CAST: variants seen among roughly 807,000 people sequenced by gnomAD.
CAST encodes the protein MIR583 host.
A neutral mutation model predicts 119.6 loss-of-function variants in CAST; 76 were observed. The ratio of observed to expected loss-of-function variants is 0.64; its 90% CI spans 0.53 to 0.77. The LOEUF (loss-of-function observed/expected upper bound fraction) is 0.77. Ranked by LOEUF, CAST falls within the 30% of genes least tolerant of loss-of-function variation. The pLI, the probability that CAST is intolerant of heterozygous loss-of-function variation, is 0.00. For missense variants in CAST, 953 were observed against 946.5 expected, an observed-to-expected ratio of 1.01 and a Z score of -0.09; for synonymous variants, 319 against 331.6, an observed-to-expected ratio of 0.96 and a Z score of 0.41.
At chr5:96,568,581 A>T (rs1345248368) in intron 1 of CAST, among the ~76,000 whole-genome samples, 2 of 151,336 alleles carry the variant, frequency 1.3e-5, no homozygotes, top group Non-Finnish European at 2.9e-5. Context: ...AAAAAAAAAA[A>T]AAAAAAAGAA....
At chr5:96,534,755 A>AG (rs1745761804) in intron 1 of CAST, among the ~76,000 whole-genome samples, 3 of 39,208 alleles carry the variant, frequency 7.7e-5, no homozygotes, top group African/African-American at 9.5e-5. Flanking sequence ...GAAAGAAAGA[A>AG]AGAAAGAAAG....
At chr5:96,544,889 T>A (rs1457636932) in intron 1 of CAST, among the ~76,000 whole-genome samples, 1 of 150,632 alleles carries the variant, frequency 6.6e-6, no homozygotes, top group African/African-American at 2.4e-5. Context: ...AAAACCCAGA[T>A]AGACTAAAAG....
the CAST span, among the ~76,000 whole-genome samples, chr5:96,354,764 T>C: frequency 6.7e-6 from 1 of 149,948 alleles, no homozygotes; most frequent in Non-Finnish European, 1.5e-5. Context: ...TATATTTACG[T>C]ATATATTTCT....
At chr5:95,961,556 T>G in the CAST span, 1 of 1,563,616 alleles carries the variant, frequency 6.4e-7, no homozygotes, top group East Asian at 2.5e-5. Context: ...GAGCCCAGCC[T>G]GCCGGCCGGC....
the CAST span, among the ~76,000 whole-genome samples, chr5:96,021,531 C>T: frequency 4.6e-5 from 7 of 152,002 alleles, no homozygotes; most frequent in Admixed American, 1.3e-4. Flanking sequence ...CTGCAAGCTC[C>T]GCCTCCTGGG....
Position 96,590,296 on chromosome 5 carries a change from T to G in CAST, c.60+60416T>G, listed in dbSNP as rs114668993. Among the ~76,000 whole-genome samples the G allele has an allele frequency of 9.9e-3, 1,510 of 152,322 alleles. 26 individuals carry two copies. The highest frequency in any genetic ancestry group is 0.034 in the African/African-American group (1,424 of 41,570). ...AGATGATACACAAGCATATAAAAAT[T>G]TAAGAAGCATTGATATAGTTAACAT... On this transcript the variant is annotated intron_variant, in intron 1 of 11. Transcript: ENST00000505143.
chr5:96,327,759 G>C, the CAST span, among the ~76,000 whole-genome samples: 1 of 152,334 alleles, frequency 6.6e-6, no homozygotes, highest in Admixed American at 6.5e-5. Flanking sequence ...GAGATCAGAA[G>C]AGCGATTCAA....
chr5:96,552,135 G>A (rs189550786), intron 1 of CAST, among the ~76,000 whole-genome samples: 134 of 152,050 alleles, frequency 8.8e-4, no homozygotes, highest in African/African-American at 2.9e-3. Flanking sequence ...GCACCACATC[G>A]CACTTATTCT....
At chr5:96,647,415 C>T (rs558006888) in intron 1 of CAST, among the ~76,000 whole-genome samples, 103 of 152,126 alleles carry the variant, frequency 6.8e-4, no homozygotes, top group African/African-American at 2.4e-3. Context: ...GGATTTTTAC[C>T]TATATGAACC....
the CAST span, among the ~76,000 whole-genome samples, chr5:96,161,911 A>C: frequency 6.6e-6 from 1 of 152,058 alleles, no homozygotes; most frequent in Admixed American, 6.6e-5. Flanking sequence ...TTTATTTTTC[A>C]ATTGTTCATT....
At chr5:96,366,083 A>G in the CAST span, among the ~76,000 whole-genome samples, 4 of 152,170 alleles carry the variant, frequency 2.6e-5, no homozygotes, top group Non-Finnish European at 5.9e-5. Context: ...TCCTTTGCTT[A>G]TGAAGCTTAG....
At chr5:96,057,890 T>C in the CAST span, among the ~76,000 whole-genome samples, 1 of 152,170 alleles carries the variant, frequency 6.6e-6, no homozygotes, top group Non-Finnish European at 1.5e-5. Flanking sequence ...GGCAAGAGCA[T>C]TTAAATTCTT....
At position 96,617,518 on chromosome 5, in the gene CAST, G is replaced by A. The variant is rs558372780; in HGVS notation, c.61-58021G>A. ...TTAAAACTCTTAGGAGGCCGGGCAC[G>A]GTGGCTCATGCCTGTAATCCCGGCA... On this transcript the variant is annotated intron_variant, in intron 1 of 11. Transcript: ENST00000505143. Among the ~76,000 whole-genome samples the A allele has an allele frequency of 5.7e-4, 87 of 152,066 alleles. 2 individuals carry two copies. In the South Asian group the frequency reaches 8.3e-3, roughly 15 times the overall value.
chr5:96,613,110 TAA>T (rs1190374290), intron 1 of CAST, among the ~76,000 whole-genome samples: 1 of 152,216 alleles, frequency 6.6e-6, no homozygotes, highest in Non-Finnish European at 1.5e-5. Flanking sequence ...AGTTTTATAA[TAA>T]GTCTTGATAT....
the CAST span, among the ~76,000 whole-genome samples, chr5:96,171,472 C>T: frequency 6.6e-6 from 1 of 152,088 alleles, no homozygotes; most frequent in Non-Finnish European, 1.5e-5. Context: ...GGCGTCCCTG[C>T]AATTGACTTG....
chr5:96,759,708 C>A (rs1233716574), intron 24 of CAST, among the ~76,000 whole-genome samples: 2 of 151,364 alleles, frequency 1.3e-5, no homozygotes, highest in Non-Finnish European at 3.0e-5. Flanking sequence ...GGAAAAAAAA[C>A]CTTACAAAAA....
chr5:96,504,167 GGGA>G, the CAST span, among the ~76,000 whole-genome samples: 1 of 152,310 alleles, frequency 6.6e-6, no homozygotes, highest in East Asian at 1.9e-4. Flanking sequence ...GCCAGCTGGA[GGGA>G]GGAGAATTCG....
At chr5:96,055,961 C>G in the CAST span, among the ~76,000 whole-genome samples, 1 of 152,106 alleles carries the variant, frequency 6.6e-6, no homozygotes, top group East Asian at 1.9e-4. Flanking sequence ...AAAAACCCAG[C>G]CAGTTATGTT....
chr5:96,217,204 A>ATTTTTTTTTTTTTTTTTT, the CAST span, among the ~76,000 whole-genome samples: 4 of 97,028 alleles, frequency 4.1e-5, no homozygotes, highest in Admixed American at 1.3e-4. Context: ...ATGCTAGCTA[A>ATTTTTTTTTTTTTTTTTT]TTTTTTTTTT....
Sources: gnomAD v4.1 joint callset for allele counts (sites outside exome capture counted in the v4.1 genomes callset) on GRCh38, gnomAD v4.1.1 for gene constraint, MANE v1.5 for transcripts, NCBI Gene and HGNC (gene_info 2026-07-23, HGNC 2026-07-21) for gene names.